WARS2: variants seen among roughly 807,000 people sequenced by gnomAD.
WARS2 encodes the protein tryptophanyl tRNA synthetase 2, mitochondrial.
Under a neutral mutation model 36.5 loss-of-function variants are expected in WARS2, and 28 were observed. That is an observed-to-expected ratio of 0.77 (90% CI 0.57 to 1.05). The LOEUF (loss-of-function observed/expected upper bound fraction) is 1.05. WARS2 is among the 50% of genes least tolerant of loss of function. WARS2 has a pLI of 0.00. For synonymous variants in WARS2, 174 were observed against 178.4 expected (o/e 0.98, Z 0.20); for missense variants, 435 against 456.8 (o/e 0.95, Z 0.44).
intron 2 of WARS2, among the ~76,000 whole-genome samples, chr1:119,051,763 T>A (rs1467780464): frequency 4.4e-5 from 1 of 22,910 alleles, no homozygotes; most frequent in Non-Finnish European, 1.0e-4. Context: ...CTCGCTGTAA[T>A]TTTTTTTTTT....
chr1:119,110,279 C>T (rs587746470), intron 1 of WARS2, among the ~76,000 whole-genome samples: 63 of 152,040 alleles, frequency 4.1e-4, no homozygotes, highest in Non-Finnish European at 8.5e-4. Flanking sequence ...ATTTCCTTTT[C>T]TCTGAAGAAC....
intron 1 of WARS2, among the ~76,000 whole-genome samples, chr1:119,113,899 A>G (rs1162304660): frequency 6.6e-6 from 1 of 152,084 alleles, no homozygotes; most frequent in African/African-American, 2.4e-5. Context: ...TAATTAATAA[A>G]AGGCTTAAGA....
chr1:119,118,339 T>C lies in WARS2; in HGVS notation c.90+22216A>G, dbSNP rs185304958. On this transcript the variant is annotated intron_variant, in intron 1 of 5. Transcript: ENST00000235521. ...CAAGCAGAAGAAAAAACTTCAGAGC[T>C]CAAAGACAAAACTTTTGAATTAACC... Among the ~76,000 whole-genome samples, 28 of 151,828 alleles carry C rather than the reference T, an allele frequency of 1.8e-4. 1 individual carries two copies. The highest frequency in any genetic ancestry group is 1.8e-3 in the Admixed American group (28 of 15,252).
intron 1 of WARS2, among the ~76,000 whole-genome samples, chr1:119,092,462 G>A (rs927438261): frequency 4.6e-5 from 7 of 151,984 alleles, no homozygotes; most frequent in South Asian, 2.1e-4. Context: ...TACTTCCCAC[G>A]AGCAGCTCTT....
At chr1:119,055,725 A>C (rs1399913785) in intron 2 of WARS2, among the ~76,000 whole-genome samples, 1 of 149,006 alleles carries the variant, frequency 6.7e-6, no homozygotes, top group Non-Finnish European at 1.5e-5. Flanking sequence ...GAGAAGGAGG[A>C]GGAGGAGAAG....
At chr1:119,102,009 T>C (rs1431837022) in intron 1 of WARS2, among the ~76,000 whole-genome samples, 4 of 151,146 alleles carry the variant, frequency 2.6e-5, no homozygotes, top group Non-Finnish European at 5.9e-5. Flanking sequence ...ATGGACTTAG[T>C]TTAATGATTA....
intron 1 of WARS2, among the ~76,000 whole-genome samples, chr1:119,087,539 T>C (rs1429811248): frequency 6.6e-6 from 1 of 152,212 alleles, no homozygotes; most frequent in Non-Finnish European, 1.5e-5. Flanking sequence ...TTTAACAGCA[T>C]GATTTCAGCT....
chr1:119,097,730 T>C (rs1342137644), intron 1 of WARS2, among the ~76,000 whole-genome samples: 2 of 152,182 alleles, frequency 1.3e-5, no homozygotes, highest in Non-Finnish European at 2.9e-5. Context: ...GAAAGAACCA[T>C]GCTGTTATCC....
Position 119,098,587 on chromosome 1 carries a change from G to A in WARS2, c.91-21980C>T, listed in dbSNP as rs587753840. Among the ~76,000 whole-genome samples the A allele has an allele frequency of 1.2e-4, 18 of 151,784 alleles. No individual in the cohort carries two copies. The South Asian group carries it at 3.1e-3, about 26-fold the overall frequency. On this transcript the variant is annotated intron_variant, in intron 1 of 5. Coordinates refer to ENST00000235521, the MANE Select transcript of WARS2 (RefSeq NM_015836.4). Reference sequence around the variant, plus strand: ...CGAGTCGCTAGCATTACAGGCGCCCGCCATCACGCGCAGCTAATTTTTGTT... The same window carrying A: ...CGAGTCGCTAGCATTACAGGCGCCCACCATCACGCGCAGCTAATTTTTGTT...
At chr1:119,074,116 T>G (rs1651534476) in intron 2 of WARS2, among the ~76,000 whole-genome samples, 1 of 152,146 alleles carries the variant, frequency 6.6e-6, no homozygotes, top group East Asian at 1.9e-4. Flanking sequence ...GAAGTGAAGA[T>G]GATGTGCTTT....
At chr1:119,136,194 T>A (rs983730350) in intron 1 of WARS2, among the ~76,000 whole-genome samples, 1 of 152,100 alleles carries the variant, frequency 6.6e-6, no homozygotes, top group South Asian at 2.1e-4. Flanking sequence ...TAACTTGCAG[T>A]CATTCGAAAG....
chr1:119,123,838 A>G (rs1553181362), intron 1 of WARS2, among the ~76,000 whole-genome samples: 1 of 150,510 alleles, frequency 6.6e-6, no homozygotes, highest in Non-Finnish European at 1.5e-5. Context: ...AACCTACTGC[A>G]CAGATAATTA....
intron 1 of WARS2, among the ~76,000 whole-genome samples, chr1:119,087,380 A>G (rs1652752697): frequency 6.6e-6 from 1 of 152,218 alleles, no homozygotes; most frequent in African/African-American, 2.4e-5. Flanking sequence ...AAAATAAGTC[A>G]TATGTTTCAG....
At chr1:119,074,470 A>G (rs888966338) in intron 2 of WARS2, among the ~76,000 whole-genome samples, 4 of 152,236 alleles carry the variant, frequency 2.6e-5, no homozygotes, top group Non-Finnish European at 5.9e-5. Flanking sequence ...TGGTCAGTAA[A>G]AGCAAGTATT....
chr1:119,108,022 A>G (rs1456136681), intron 1 of WARS2, among the ~76,000 whole-genome samples: 1 of 152,062 alleles, frequency 6.6e-6, no homozygotes, highest in Non-Finnish European at 1.5e-5. Flanking sequence ...TACCTGATAT[A>G]AATCCCACTT....
chr1:119,106,980 A>AG (rs1654283477), intron 1 of WARS2, among the ~76,000 whole-genome samples: 1 of 152,084 alleles, frequency 6.6e-6, no homozygotes, highest in South Asian at 2.1e-4. Flanking sequence ...TGGAGGTATT[A>AG]GTGCTTTGAA....
At chr1:119,057,848 C>A (rs536674109) in intron 2 of WARS2, among the ~76,000 whole-genome samples, 33 of 152,076 alleles carry the variant, frequency 2.2e-4, no homozygotes, top group Non-Finnish European at 4.3e-4. Context: ...GTTTTTTATA[C>A]AGCTGGATAA....
chr1:119,068,021 T>C (rs1651012568), intron 2 of WARS2, among the ~76,000 whole-genome samples: 1 of 152,182 alleles, frequency 6.6e-6, no homozygotes, highest in Non-Finnish European at 1.5e-5. Context: ...GATGATATAA[T>C]AATTTTCCAA....
intron 2 of WARS2, among the ~76,000 whole-genome samples, chr1:119,058,317 T>TG (rs1262501704): frequency 3.0e-5 from 4 of 132,362 alleles, no homozygotes; most frequent in Non-Finnish European, 6.4e-5. Flanking sequence ...CTTTTTTTTT[T>TG]TTTTTATACT....
Sources: gnomAD v4.1 joint callset for allele counts (sites outside exome capture counted in the v4.1 genomes callset) on GRCh38, gnomAD v4.1.1 for gene constraint, MANE v1.5 for transcripts, NCBI Gene and HGNC (gene_info 2026-07-23, HGNC 2026-07-21) for gene names.